Variants in POMT1 observed in about 807,000 individuals in gnomAD.
POMT1 encodes the protein protein O-mannosyltransferase 1.
POMT1 carries 85 observed loss-of-function variants against 101.6 expected under a neutral mutation model. That is an observed-to-expected ratio of 0.84 (90% confidence interval 0.70 to 1.00). The LOEUF (loss-of-function observed/expected upper bound fraction) is 1.00. POMT1 is among the 50% of genes least tolerant of loss of function. The probability of loss-of-function intolerance (pLI) is 0.00; values close to 1 mark genes in which losing one functional copy is unlikely to be tolerated. For synonymous variants in POMT1, 371 were observed against 383.0 expected (o/e 0.97, Z 0.37); for missense variants, 857 against 930.4 (o/e 0.92, Z 1.03).
rs140982642 is a variant in POMT1 at position 131,510,512 on chromosome 9, A to G, written c.855+97A>G. ...ACATCAAGTGAACATTAGCACTTGA[A>G]TCAAAACATGAAGAATCCACATCCA... On this transcript the variant is annotated intron_variant, in intron 9 of 19. Transcript: ENST00000402686. 1,606 of 1,428,152 alleles carry G rather than the reference A, an allele frequency of 1.1e-3. 1 individual carries two copies. The highest frequency in any genetic ancestry group is 1.3e-3 in the Non-Finnish European group (1,342 of 1,027,434). The allele number at this position is 1,428,152 out of a possible 1,614,324, so 88.5% of individuals were successfully genotyped here.
In POMT1 at chr9:131,521,425, T is replaced by C. The variant is rs1386516894; in HGVS notation, c.1778T>C (p.Leu593Ser). 6.2e-7 allele frequency: 1 copy of C among 1,614,170 alleles called. No homozygotes were observed. Among genetic ancestry groups the C allele is most frequent in the Admixed American group, 1.7e-5 (1 of 60,018 alleles). Residue 593 changes from leucine (L) to serine (S), a missense_variant, in exon 18 of 20, where the codon TTG becomes TCG. By Grantham distance (145) the Leu-to-Ser change is moderately radical. Coordinates refer to ENST00000402686, the MANE Select transcript of POMT1 (RefSeq NM_001077365.2). ...CTGGCCATCTACGCCCTGCTGTCCT[T>C]GTGGTACCTGCTCCGACGGCGAAGA... ...LALAIYALLS[L>S]WYLLRRRRNV... is the part of the protein sequence containing the mutation.
chr9:131,514,988 T>C (rs1461807342), intron 12 of POMT1, among the ~76,000 whole-genome samples: 2 of 152,140 alleles, frequency 1.3e-5, no homozygotes, highest in East Asian at 3.9e-4. Flanking sequence ...TTCGTTAACA[T>C]TGAGGTTGAT....
rs1945591755 is a variant in POMT1 at position 131,505,463 on chromosome 9, A to G, written c.123-651A>G. On this transcript the variant is annotated intron_variant, in intron 2 of 19. Transcript: ENST00000402686. ...TTTTTAGTAGAGAAGGGGTTTCACC[A>G]TGTTGGCCAAGCTGATCTTGAACTC... Among the ~76,000 whole-genome samples the G allele has an allele frequency of 2.6e-5, 4 of 151,852 alleles. No homozygotes were observed. The South Asian group carries it at 6.2e-4, about 24-fold the overall frequency.
In POMT1 at chr9:131,503,330, GGC is replaced by G. The variant is rs1235183749; in HGVS notation, c.-31+258_-31+259del. ...AGTCTCAGGGTGAGGACGGAGCTGG[GGC>G]CGACGCAGCCTCGGGAGTTGGTGGA... On this transcript the variant is annotated intron_variant, in intron 1 of 19. Coordinates refer to ENST00000402686, the MANE Select transcript of POMT1 (RefSeq NM_001077365.2). This position sits in a 1 kb window ranked among gnomAD's most constrained non-coding sequence, Gnocchi z 4.4. 6.5e-6 allele frequency: 1 copy of G among 153,718 alleles called. No homozygotes were observed. The highest frequency in any genetic ancestry group is 1.4e-5 in the Non-Finnish European group (1 of 69,254). The allele number at this position is 153,718 out of a possible 1,614,324, so 9.5% of individuals were successfully genotyped here.
Position 131,519,303 on chromosome 9 carries a change from C to A in POMT1, c.1487-86C>A. ...GGTCTTTGTTAGAAAGGCAGGAAGC[C>A]AGCTTTTTGCTGCACTGACAGCTTC... On this transcript the variant is annotated intron_variant, in intron 15 of 19. Transcript: ENST00000402686. This position sits in a 1 kb window ranked among gnomAD's most constrained non-coding sequence, Gnocchi z 4.3. The A allele has an allele frequency of 1.5e-6, 2 of 1,354,620 alleles. No individual in the cohort carries two copies. Among genetic ancestry groups the A allele is most frequent in the South Asian group, 1.3e-5 (1 of 79,996 alleles). 83.9% of individuals were successfully genotyped at this position (1,354,620 alleles called of 1,614,324 possible). A position where few individuals can be genotyped will look rare whatever the true frequency, so the allele number is the denominator to read the frequency against.
At chr9:131,518,189 T>C (rs1949129747) in intron 13 of POMT1, 1 of 544,350 alleles carries the variant, frequency 1.8e-6, no homozygotes, top group African/African-American at 1.9e-5. Flanking sequence ...AGGCTTTGTA[T>C]TTTCTGTGAG....
chr9:131,518,180 G>A (rs938449723), intron 13 of POMT1: 1 of 524,710 alleles, frequency 1.9e-6, no homozygotes, highest in South Asian at 1.8e-5. Flanking sequence ...AAGAACATCA[G>A]GCTTTGTATT....
In POMT1 at chr9:131,511,412, T is replaced by G; in HGVS notation, c.931T>G (p.Phe311Val). 1 of 1,614,226 alleles carries G rather than the reference T, an allele frequency of 6.2e-7. No individual in the cohort carries two copies. Among genetic ancestry groups the G allele is most frequent in the Non-Finnish European group, 8.5e-7 (1 of 1,180,032 alleles). ...GTCCCAGGTCACTCTGAGGAACGTCTTTGGGAAACCTGTGCCCTGCTGGCT... is the reference window on the plus strand; with the variant it reads ...GTCCCAGGTCACTCTGAGGAACGTCGTTGGGAAACCTGTGCCCTGCTGGCT... ...FGSQVTLRNVFGKPVPCWLHS... is the reference protein window; with the variant it reads ...FGSQVTLRNVVGKPVPCWLHS... Residue 311 changes from phenylalanine (F) to valine (V), a missense_variant, in exon 10 of 20, where the codon TTT becomes GTT. Transcript: ENST00000402686.
At position 131,523,376 on chromosome 9, in the gene POMT1, G is replaced by C. The variant is rs936417939; in HGVS notation, c.*270G>C. 3 of 489,352 alleles carry C rather than the reference G, an allele frequency of 6.1e-6. No homozygotes were observed. The highest frequency in any genetic ancestry group is 1.1e-5 in the Non-Finnish European group (3 of 268,110). 30.3% of individuals were successfully genotyped at this position (489,352 alleles called of 1,614,324 possible). On this transcript the variant is annotated 3_prime_UTR_variant, in exon 20 of 20. Transcript: ENST00000402686. The stretch of plus-strand genomic sequence containing the variant: ...AGGGAGTATTTCAGAGGCCAGCGTA[G>C]GAGTCATTGACAACAAAAAGCCGAG...
At chr9:131,504,626 G>A (rs1379516325) in intron 2 of POMT1, among the ~76,000 whole-genome samples, 10 of 152,088 alleles carry the variant, frequency 6.6e-5, no homozygotes, top group Admixed American at 4.6e-4. Flanking sequence ...AAGTCTGGAC[G>A]GCAGAGGATT....
At chr9:131,507,641 C>G (rs181686836) in intron 5 of POMT1, 127 bp downstream of exon 5, 45 of 1,354,598 alleles carry the variant, frequency 3.3e-5, no homozygotes, top group Non-Finnish European at 4.6e-5. Flanking sequence ...CCAAATTTGA[C>G]GCTGCAAGTC....
At chr9:131,504,146 C>CT (rs1945196503) in intron 1 of POMT1, 43 bp from the exon 2 acceptor site, 2 of 1,611,540 alleles carry the variant, frequency 1.2e-6, no homozygotes, top group Admixed American at 1.7e-5. Context: ...TCTGTAGCCT[C>CT]TCGTGAGCCC....
At chr9:131,510,978 G>GATA in intron 9 of POMT1, 1 of 279,510 alleles carries the variant, frequency 3.6e-6, no homozygotes. Flanking sequence ...CCGACGGCCA[G>GATA]TGCTGTAGTG....
chr9:131,509,677 C>A, intron 6 of POMT1, 66 bp from the exon 7 acceptor site: 1 of 1,613,694 alleles, frequency 6.2e-7, no homozygotes, highest in Admixed American at 1.7e-5. Flanking sequence ...GAATGTGGAG[C>A]TTCACTAGCC....
At chr9:131,513,493 C>T (rs1004005832) in intron 12 of POMT1, among the ~76,000 whole-genome samples, 162 bp downstream of exon 12, 3 of 152,190 alleles carry the variant, frequency 2.0e-5, no homozygotes, top group African/African-American at 7.2e-5. Flanking sequence ...GGAGGGGACC[C>T]AGGCCTGGCC....
Position 131,519,498 on chromosome 9 carries a change from C to T in POMT1, c.1584+12C>T. The T allele has an allele frequency of 6.5e-7, 1 of 1,548,852 alleles. No homozygotes were observed. The highest frequency in any genetic ancestry group is 2.4e-5 in the East Asian group (1 of 40,916). ...TCTCGGAGCTGCAGGTGAGGAGCGG[C>T]CAGGGGAAGCTGGCCTAGCTCGCTG... On this transcript the variant is annotated intron_variant, in intron 16 of 19. Coordinates refer to ENST00000402686, the MANE Select transcript of POMT1 (RefSeq NM_001077365.2). This position sits in a 1 kb window ranked among gnomAD's most constrained non-coding sequence, Gnocchi z 4.3.
intron 5 of POMT1, among the ~76,000 whole-genome samples, chr9:131,508,415 C>T (rs930686704): frequency 2.0e-5 from 3 of 152,064 alleles, no homozygotes; most frequent in African/African-American, 7.2e-5. Context: ...CCTTTTGTCC[C>T]AGCTACTCAG....
Position 131,519,057 on chromosome 9 carries a change from G to C in POMT1, c.1486+100G>C. On this transcript the variant is annotated intron_variant, in intron 15 of 19. Coordinates refer to ENST00000402686, the MANE Select transcript of POMT1 (RefSeq NM_001077365.2). This position sits in a 1 kb window ranked among gnomAD's most constrained non-coding sequence, Gnocchi z 4.3. ...TTCTCATTTTGGTGGGAAGGGAACT[G>C]AGCACATTCTCCATGCTCGGTGGCA... 6.4e-7 allele frequency: 1 copy of C among 1,562,896 alleles called. No homozygotes were observed. The highest frequency in any genetic ancestry group is 1.1e-5 in the South Asian group (1 of 87,962).
rs73656664 is a variant in POMT1, at chr9:131,512,986, T to C, written c.1083-253T>C. Among the ~76,000 whole-genome samples, 4,554 of 152,274 alleles carry C rather than the reference T, an allele frequency of 0.03. 203 individuals carry two copies. Among genetic ancestry groups the C allele is most frequent in the African/African-American group, 0.1 (4,231 of 41,524 alleles). On this transcript the variant is annotated intron_variant, in intron 11 of 19. Transcript: ENST00000402686. ...AGTCATGGTACATTTGTCACTGTAG[T>C]GTTTGTAGACAAATTCAGAGCAATG...
Sources: gnomAD v4.1 joint callset for allele counts (sites outside exome capture counted in the v4.1 genomes callset) on GRCh38, gnomAD v4.1.1 for gene constraint, Gnocchi (gnomAD v3.1) non-coding constraint, MANE v1.5 for transcripts, NCBI Gene and HGNC (gene_info 2026-07-23, HGNC 2026-07-21) for gene names.